The following GNAL variants were observed in gnomAD, a reference collection of about 807,000 sequenced individuals.
GNAL encodes G protein subunit alpha L.
Under a neutral mutation model 55.1 loss-of-function variants are expected in GNAL, and 18 were observed. The ratio of observed to expected loss-of-function variants is 0.33; its 90% confidence interval spans 0.23 to 0.48. GNAL has a LOEUF of 0.48. Ranked by LOEUF, GNAL falls within the 20% of genes least tolerant of loss-of-function variation. GNAL has a pLI of 0.99. For synonymous variants in GNAL, 253 were observed against 237.0 expected (o/e 1.07, Z -0.62); for missense variants, 412 against 614.1 (o/e 0.67, Z 3.48).
At chr18:11,806,541 CCT>C (rs1412686540) in intron 4 of GNAL, among the ~76,000 whole-genome samples, 1 of 151,982 alleles carries the variant, frequency 6.6e-6, no homozygotes, top group Non-Finnish European at 1.5e-5. Flanking sequence ...ATAGGTTACC[CCT>C]CTCAGGAACA....
At chr18:11,871,506 C>G (rs1200616296) in intron 9 of GNAL, among the ~76,000 whole-genome samples, 1 of 152,178 alleles carries the variant, frequency 6.6e-6, no homozygotes, top group African/African-American at 2.4e-5. Context: ...ACCTCTGCCC[C>G]ACAAAGTGCT....
At chr18:11,754,415 C>G (rs1170983899) in intron 4 of GNAL, among the ~76,000 whole-genome samples, 4 of 147,424 alleles carry the variant, frequency 2.7e-5, no homozygotes, top group Non-Finnish European at 5.9e-5. Flanking sequence ...AGACTCCCAT[C>G]TCAAAAAAAA....
At chr18:11,692,375 A>G (rs1483384317) in intron 1 of GNAL, among the ~76,000 whole-genome samples, 1 of 152,204 alleles carries the variant, frequency 6.6e-6, no homozygotes, top group Admixed American at 6.5e-5. Flanking sequence ...AACAACAACA[A>G]AAAACAGTAA....
chr18:11,776,027 T>C lies in GNAL; in HGVS notation c.624+22082T>C, dbSNP rs115167609. Among the ~76,000 whole-genome samples the C allele has an allele frequency of 5.0e-3, 763 of 152,162 alleles. 4 individuals are homozygous for C. The highest frequency in any genetic ancestry group is 0.017 in the African/African-American group (714 of 41,506). ...GAGAAAAGGTGTCTCCGGATGGGAG[T>C]GATTTATAATTCGCCCCTCCATTGT... On this transcript the variant is annotated intron_variant, in intron 4 of 11. Coordinates refer to ENST00000334049, the MANE Select transcript of GNAL (RefSeq NM_182978.4).
In GNAL at chr18:11,752,060, G is replaced by C. The variant is rs2032858969; in HGVS notation, c.377-793G>C. 1 of 157,966 alleles carries C rather than the reference G, an allele frequency of 6.3e-6. No homozygotes were observed. The highest frequency in any genetic ancestry group is 2.4e-5 in the African/African-American group (1 of 41,638). 9.8% of individuals were successfully genotyped at this position (157,966 alleles called of 1,614,324 possible). A position where few individuals can be genotyped will look rare whatever the true frequency, so the allele number is the denominator to read the frequency against. On this transcript the variant is annotated intron_variant, in intron 1 of 11. Transcript: ENST00000334049. The surrounding 1 kb of genome is among the most constrained non-coding windows in gnomAD (Gnocchi z 4.5). ...GCTGGGCGGGGCTGAGCGAGGCTTG[G>C]AGTGCGGGCGAAGGGACGTGGGGCG...
chr18:11,779,321 A>G (rs2033866877), intron 4 of GNAL, among the ~76,000 whole-genome samples: 1 of 152,204 alleles, frequency 6.6e-6, no homozygotes, highest in African/African-American at 2.4e-5. Flanking sequence ...ACCAGTGGCA[A>G]ATAGGCATTA....
chr18:11,731,111 G>C (rs917312019), intron 1 of GNAL, among the ~76,000 whole-genome samples: 1 of 152,196 alleles, frequency 6.6e-6, no homozygotes, highest in African/African-American at 2.4e-5. Flanking sequence ...AGGTGTGTCT[G>C]ACTTCCCTTA....
intron 4 of GNAL, among the ~76,000 whole-genome samples, chr18:11,774,167 C>T (rs867716702): frequency 6.6e-6 from 1 of 152,290 alleles, no homozygotes; most frequent in Middle Eastern, 3.4e-3. Context: ...CCTTTTCAGA[C>T]GTTGCCGAGT....
chr18:11,746,877 A>C lies in GNAL; in HGVS notation c.377-5976A>C, dbSNP rs2032699516. ...CATGAAACCCTCTTGAACTCTGAGGAAGGCACTCAGGCTCTGGATGAAGTC... is the reference window on the plus strand; with the variant it reads ...CATGAAACCCTCTTGAACTCTGAGGCAGGCACTCAGGCTCTGGATGAAGTC... On this transcript the variant is annotated intron_variant, in intron 1 of 11. Transcript: ENST00000334049. The C allele has an allele frequency of 1.1e-5, 6 of 538,834 alleles. No homozygotes were observed. The East Asian group carries it at 3.2e-4, about 28-fold the overall frequency. 33.4% of individuals were successfully genotyped at this position (538,834 alleles called of 1,614,324 possible). A position where few individuals can be genotyped will look rare whatever the true frequency, so the allele number is the denominator to read the frequency against.
chr18:11,806,687 A>G (rs569294410), intron 4 of GNAL, among the ~76,000 whole-genome samples: 42 of 151,900 alleles, frequency 2.8e-4, no homozygotes, highest in African/African-American at 1.0e-3. Flanking sequence ...AAAGGGAAGC[A>G]GGGCTGAAGA....
Position 11,689,626 on chromosome 18 carries a change from G to A in GNAL, c.63G>A (p.Ala21=). The A allele has an allele frequency of 7.4e-7, 1 of 1,360,536 alleles. No individual in the cohort carries two copies. The highest frequency in any genetic ancestry group is 9.4e-7 in the Non-Finnish European group (1 of 1,067,222). 84.3% of individuals were successfully genotyped at this position (1,360,536 alleles called of 1,614,324 possible). A position where few individuals can be genotyped will look rare whatever the true frequency, so the allele number is the denominator to read the frequency against. Residue 21 remains alanine (A), a synonymous_variant, in exon 1 of 12, where the codon GCG becomes GCA. Transcript: ENST00000334049. The part of the protein sequence containing the change: ...LFGGPGDDPC[A]ASEPPVEDAQ... ...GGGGCCCAGGGGACGACCCCTGCGC[G>A]GCCTCGGAGCCGCCGGTGGAGGACG... is the stretch of plus-strand genomic sequence containing the variant.
At chr18:11,862,880 A>ATTT (rs35630944) in intron 6 of GNAL, among the ~76,000 whole-genome samples, 8 of 135,096 alleles carry the variant, frequency 5.9e-5, no homozygotes, top group African/African-American at 1.9e-4. Flanking sequence ...GCACTCCACC[A>ATTT]TTTTTTTTTT....
At chr18:11,828,678 C>A (rs138184048) in intron 5 of GNAL, among the ~76,000 whole-genome samples, 1 of 151,126 alleles carries the variant, frequency 6.6e-6, no homozygotes, top group East Asian at 1.9e-4. Flanking sequence ...AAAAAATGGA[C>A]AAGTTATTCC....
intron 4 of GNAL, among the ~76,000 whole-genome samples, chr18:11,814,437 G>A (rs1349942525): frequency 1.3e-5 from 2 of 151,450 alleles, no homozygotes; most frequent in Non-Finnish European, 2.9e-5. Context: ...CTGAGGCAGG[G>A]GAATTGCTTG....
chr18:11,788,535 A>G (rs9676233), intron 4 of GNAL, among the ~76,000 whole-genome samples: 9,881 of 152,188 alleles, frequency 0.065, 471 homozygotes, highest in African/African-American at 0.13. Context: ...ACAATTCAGA[A>G]CAAATCTTGA....
At chr18:11,739,631 TC>T (rs2032533524) in intron 1 of GNAL, among the ~76,000 whole-genome samples, 1 of 151,556 alleles carries the variant, frequency 6.6e-6, no homozygotes, top group Non-Finnish European at 1.5e-5. Flanking sequence ...AGAATACAGG[TC>T]CCTTTCCTTT....
intron 1 of GNAL, among the ~76,000 whole-genome samples, chr18:11,721,389 A>G (rs2032089012): frequency 6.6e-6 from 1 of 152,196 alleles, no homozygotes; most frequent in Non-Finnish European, 1.5e-5. Context: ...TACCACCATC[A>G]GTGGTCACTC....
chr18:11,879,985 G>A (rs542619513), intron 11 of GNAL, among the ~76,000 whole-genome samples: 9 of 152,164 alleles, frequency 5.9e-5, no homozygotes, highest in South Asian at 4.2e-4. Flanking sequence ...CTGGCCGGGC[G>A]CGGTGGCTCA....
At position 11,790,651 on chromosome 18, in the gene GNAL, C is replaced by CTTTTTTTT. The variant is rs1232488173; in HGVS notation, c.625-34265_625-34258dup. 5.4e-4 allele frequency among the ~76,000 whole-genome samples: 45 copies of CTTTTTTTT among 83,330 alleles called. 1 individual carries two copies. The highest frequency in any genetic ancestry group is 9.1e-4 in the African/African-American group (17 of 18,666). The allele number at this position is 83,330 out of a possible 152,430, so 54.7% of individuals were successfully genotyped here. A position where few individuals can be genotyped will look rare whatever the true frequency, so the allele number is the denominator to read the frequency against. On this transcript the variant is annotated intron_variant, in intron 4 of 11. Transcript: ENST00000334049. The stretch of plus-strand genomic sequence containing the variant: ...GATGGTTTTTCTTTTCTTTTCTTTT[C>CTTTTTTTT]TTTTTTTTTCTTTTTTTTTTTTTTT...
Sources: allele counts gnomAD v4.1 joint callset (sites outside exome capture counted in the v4.1 genomes callset), GRCh38; gene constraint gnomAD v4.1.1; non-coding constraint Gnocchi (gnomAD v3.1); transcripts MANE v1.5; gene names NCBI Gene and HGNC (gene_info 2026-07-23, HGNC 2026-07-21).